MCTP2: variants seen among roughly 807,000 people sequenced by gnomAD.
MCTP2 encodes multiple C2 and transmembrane domain-containing protein 2.
A neutral mutation model predicts 111.6 loss-of-function variants in MCTP2; 132 were observed. The ratio of observed to expected loss-of-function variants is 1.18; its 90% CI spans 1.03 to 1.37. The LOEUF is 1.37. MCTP2 is among the 40% of genes most tolerant of loss of function. The pLI is 0.00. For missense variants in MCTP2, 1,183 were observed against 1,067.9 expected (o/e 1.11, Z -1.50); for synonymous variants, 395 against 387.7 (o/e 1.02, Z -0.22).
At chr15:94,319,870 C>G (rs753535670) in intron 4 of MCTP2, among the ~76,000 whole-genome samples, 40 of 152,122 alleles carry the variant, frequency 2.6e-4, no homozygotes, top group Non-Finnish European at 5.9e-5. Flanking sequence ...TATGCATTTA[C>G]AATATTTAGT....
At chr15:94,362,817 T>A (rs1423993285) in intron 10 of MCTP2, among the ~76,000 whole-genome samples, 1 of 152,214 alleles carries the variant, frequency 6.6e-6, no homozygotes, top group Non-Finnish European at 1.5e-5. Flanking sequence ...TAAAATTATG[T>A]GTTGAATTAA....
intron 12 of MCTP2, among the ~76,000 whole-genome samples, chr15:94,371,197 C>T (rs903060144): frequency 6.6e-6 from 1 of 151,874 alleles, no homozygotes; most frequent in African/African-American, 2.4e-5. Flanking sequence ...TAAGATGATC[C>T]TGACTAGTGA....
At chr15:94,349,679 G>A (rs1454412086) in intron 8 of MCTP2, among the ~76,000 whole-genome samples, 1 of 151,988 alleles carries the variant, frequency 6.6e-6, no homozygotes, top group Admixed American at 6.6e-5. Context: ...AATTAGCCGG[G>A]CGTGGTGGCA....
chr15:94,334,716 T>C (rs1012907258), intron 4 of MCTP2, among the ~76,000 whole-genome samples: 2 of 152,018 alleles, frequency 1.3e-5, no homozygotes, highest in Non-Finnish European at 2.9e-5. Flanking sequence ...TTTGAAACTT[T>C]TTTTTTTTCG....
At chr15:94,242,294 G>A (rs965658131) in intron 1 of MCTP2, among the ~76,000 whole-genome samples, 2 of 152,134 alleles carry the variant, frequency 1.3e-5, no homozygotes, top group Non-Finnish European at 2.9e-5. Flanking sequence ...AAATGGAGAT[G>A]AAAATACTTT....
At chr15:94,431,968 G>T (rs2083207577) in intron 17 of MCTP2, among the ~76,000 whole-genome samples, 2 of 152,106 alleles carry the variant, frequency 1.3e-5, no homozygotes, top group Admixed American at 6.5e-5. Context: ...TTGTCTCAAA[G>T]ACCACTCCAG....
intron 20 of MCTP2, 44 bp from the exon 21 acceptor site, chr15:94,470,286 AGTT>A (rs770552527): frequency 2.2e-5 from 28 of 1,250,326 alleles, no homozygotes; most frequent in Non-Finnish European, 3.2e-5. Context: ...ACTCTGTGGC[AGTT>A]GTTGAACATC....
chr15:94,281,479 C>T (rs2074483860), intron 1 of MCTP2, among the ~76,000 whole-genome samples: 1 of 152,182 alleles, frequency 6.6e-6, no homozygotes, highest in Admixed American at 6.5e-5. Context: ...CTCTTGAAGA[C>T]AACATGCAGT....
chr15:94,385,131 C>T (rs1268815478), intron 13 of MCTP2, among the ~76,000 whole-genome samples: 1 of 152,174 alleles, frequency 6.6e-6, no homozygotes, highest in Non-Finnish European at 1.5e-5. Context: ...TTCTCCCTAT[C>T]TCCTTCTTTA....
chr15:94,461,155 A>G (rs2152529400), intron 20 of MCTP2, among the ~76,000 whole-genome samples: 1 of 152,192 alleles, frequency 6.6e-6, no homozygotes, highest in Admixed American at 6.5e-5. Flanking sequence ...AAGCCAAAAT[A>G]TTTTACTCAA....
intron 10 of MCTP2, among the ~76,000 whole-genome samples, chr15:94,367,179 C>CTT (rs60889070): frequency 0.031 from 4,777 of 151,722 alleles, 258 homozygotes; most frequent in African/African-American, 0.11. Flanking sequence ...TTTCTCTTAT[C>CTT]TTTTTTTTTC....
At chr15:94,332,802 T>C (rs2077188730) in intron 4 of MCTP2, among the ~76,000 whole-genome samples, 1 of 152,252 alleles carries the variant, frequency 6.6e-6, no homozygotes, top group African/African-American at 2.4e-5. Flanking sequence ...CAAATAATGC[T>C]TTTGTATTCA....
chr15:94,384,709 A>G (rs909523751), intron 13 of MCTP2, among the ~76,000 whole-genome samples: 54 of 152,358 alleles, frequency 3.5e-4, no homozygotes, highest in Non-Finnish European at 6.3e-4. Context: ...TACTGTCCCT[A>G]CGAAGCTAAA....
chr15:94,415,823 G>A (rs1188810290), intron 17 of MCTP2, among the ~76,000 whole-genome samples: 3 of 152,134 alleles, frequency 2.0e-5, no homozygotes, highest in African/African-American at 4.8e-5. Flanking sequence ...TCAATCTTGT[G>A]TGTCTGGAGA....
intron 17 of MCTP2, among the ~76,000 whole-genome samples, chr15:94,411,150 G>A (rs890867654): frequency 2.6e-5 from 4 of 152,258 alleles, no homozygotes; most frequent in Admixed American, 6.5e-5. Context: ...TTTGTGTGAT[G>A]CAAAAACAGA....
At chr15:94,249,721 G>A (rs950066896) in intron 1 of MCTP2, among the ~76,000 whole-genome samples, 2 of 151,888 alleles carry the variant, frequency 1.3e-5, no homozygotes, top group African/African-American at 2.4e-5. Context: ...TCCTGACCTC[G>A]TGATCCACCC....
intron 10 of MCTP2, among the ~76,000 whole-genome samples, chr15:94,359,556 C>T (rs979492992): frequency 3.9e-5 from 6 of 152,156 alleles, no homozygotes; most frequent in Admixed American, 2.6e-4. Flanking sequence ...GGGAGGGCCT[C>T]CTTGCACCTC....
At chr15:94,441,284 T>C (rs561915876) in intron 18 of MCTP2, among the ~76,000 whole-genome samples, 30 of 152,360 alleles carry the variant, frequency 2.0e-4, no homozygotes, top group African/African-American at 6.5e-4. Context: ...CTGTTTGATT[T>C]TAATTATTTA....
chr15:94,245,198 GTATA>G (rs1197189443), intron 1 of MCTP2, among the ~76,000 whole-genome samples: 25 of 139,696 alleles, frequency 1.8e-4, no homozygotes, highest in Admixed American at 1.7e-3. Context: ...ACATATGTAT[GTATA>G]TATTTATACA....
Sources: gnomAD v4.1 joint callset for allele counts (sites outside exome capture counted in the v4.1 genomes callset) on GRCh38, gnomAD v4.1.1 for gene constraint, MANE v1.5 for transcripts, NCBI Gene and HGNC (gene_info 2026-07-23, HGNC 2026-07-21) for gene names.